WIPF1: variants seen among roughly 807,000 people sequenced by gnomAD.
The protein encoded by WIPF1 is WAS/WASL-interacting protein family member 1.
A neutral mutation model predicts 35.4 loss-of-function variants in WIPF1; 13 were observed. The observed-to-expected ratio is 0.37, with a 90% confidence interval of 0.24 to 0.58. The LOEUF (loss-of-function observed/expected upper bound fraction) is 0.58. Ranked by LOEUF, WIPF1 falls within the 20% of genes least tolerant of loss-of-function variation. The pLI is 0.74. For missense variants in WIPF1, 591 were observed against 667.0 expected, an observed-to-expected ratio of 0.89 and a Z score of 1.25; for synonymous variants, 267 against 266.3, an observed-to-expected ratio of 1.00 and a Z score of -0.02.
chr2:174,667,830 T>C (rs1369607202), intron 1 of WIPF1, among the ~76,000 whole-genome samples: 3 of 152,214 alleles, frequency 2.0e-5, no homozygotes, highest in Non-Finnish European at 4.4e-5. Flanking sequence ...GAAGTAGCCA[T>C]TTCCCTCCTC....
intron 5 of WIPF1, among the ~76,000 whole-genome samples, chr2:174,570,833 A>G (rs188808670): frequency 1.4e-4 from 22 of 152,332 alleles, no homozygotes; most frequent in African/African-American, 5.3e-4. Context: ...ATTCAATTTT[A>G]AAAGTGGGTG....
chr2:174,574,133 C>T (rs955660531), intron 4 of WIPF1, among the ~76,000 whole-genome samples: 7 of 152,134 alleles, frequency 4.6e-5, no homozygotes, highest in African/African-American at 1.7e-4. Flanking sequence ...CTTCAGCCAT[C>T]TGCCTGCCTT....
intron 1 of WIPF1, chr2:174,676,734 T>C (rs998891773): frequency 7.9e-5 from 12 of 152,328 alleles, no homozygotes; most frequent in African/African-American, 2.9e-4. Context: ...CCAGGAAATA[T>C]CACTTCTTAG....
At chr2:174,573,244 G>T (rs1054035163) in intron 4 of WIPF1, among the ~76,000 whole-genome samples, 1 of 128,876 alleles carries the variant, frequency 7.8e-6, no homozygotes, top group African/African-American at 2.9e-5. Flanking sequence ...CACCATCCCA[G>T]AATCTCTTGG....
At chr2:174,681,847 G>C (rs1483300071) in intron 1 of WIPF1, among the ~76,000 whole-genome samples, 1 of 152,282 alleles carries the variant, frequency 6.6e-6, no homozygotes, top group East Asian at 1.9e-4. Context: ...ACTCCATCGG[G>C]ATTTAAGCAG....
intron 1 of WIPF1, among the ~76,000 whole-genome samples, chr2:174,617,125 T>A (rs1325435980): frequency 1.3e-5 from 2 of 152,210 alleles, no homozygotes; most frequent in African/African-American, 2.4e-5. Flanking sequence ...ATGTTTTAAG[T>A]GATGCTTTCT....
At chr2:174,614,137 A>G (rs1316406181) in intron 1 of WIPF1, among the ~76,000 whole-genome samples, 5 of 152,236 alleles carry the variant, frequency 3.3e-5, no homozygotes, top group African/African-American at 9.6e-5. Flanking sequence ...GTTGCTCCTA[A>G]AAGTTAAGAA....
rs552813434 is a variant in WIPF1 at position 174,678,261 on chromosome 2, A to G, written c.-39+4513T>C. 3.9e-5 allele frequency among the ~76,000 whole-genome samples: 6 copies of G among 152,336 alleles called. No homozygotes were observed. The East Asian group carries it at 9.6e-4, about 24-fold the overall frequency. On this transcript the variant is annotated intron_variant, in intron 1 of 8. Coordinates refer to the WIPF1 transcript ENST00000272746. Reference sequence around the variant, plus strand: ...AAAGATGGCTTATTAGAAGAAGAAAAATATATATACCCATAGTAAGCAATG... The same window carrying G: ...AAAGATGGCTTATTAGAAGAAGAAAGATATATATACCCATAGTAAGCAATG...
intron 1 of WIPF1, chr2:174,673,470 G>C (rs1212046967): frequency 6.6e-6 from 1 of 152,224 alleles, no homozygotes; most frequent in East Asian, 1.9e-4. Flanking sequence ...GGACCTCTGG[G>C]TTCTGCATAA....
chr2:174,575,236 G>A lies in WIPF1; in HGVS notation c.326C>T (p.Pro109Leu), dbSNP rs769975973. The A allele has an allele frequency of 1.9e-5, 31 of 1,612,790 alleles. No homozygotes were observed. In the African/African-American group the frequency reaches 2.8e-4, roughly 15 times the overall value. ...CCTGTTGGCCGTGGATCTCAGCTTC[G>A]GCATTCCAGCCTGGAACAATCCTCC... is the stretch of plus-strand genomic sequence containing the variant. ...GLGGLFQAGM[P>L]KLRSTANRDN... Residue 109 changes from proline (P) to leucine (L), a missense_variant, in exon 4 of 8, where the codon CCG becomes CTG. By Grantham distance (98) the Pro-to-Leu change is moderately conservative. Around this residue, in one of 3 missense-constraint regions of WIPF1, gnomAD observed 471 missense variants for 501.1 expected, o/e 0.94. Coordinates refer to ENST00000679041, the MANE Select transcript of WIPF1 (RefSeq NM_001375834.1).
intron 1 of WIPF1, among the ~76,000 whole-genome samples, chr2:174,655,246 C>A (rs1687617346): frequency 6.6e-6 from 1 of 152,146 alleles, no homozygotes. Context: ...TACCATTGGC[C>A]ATCCACCTCC....
At chr2:174,666,764 C>T (rs1446217703) in intron 1 of WIPF1, among the ~76,000 whole-genome samples, 1 of 152,260 alleles carries the variant, frequency 6.6e-6, no homozygotes, top group Non-Finnish European at 1.5e-5. Flanking sequence ...GATGCTGACA[C>T]AGAATGCTCG....
At chr2:174,613,419 C>CT (rs1428317789) in intron 1 of WIPF1, among the ~76,000 whole-genome samples, 3 of 152,188 alleles carry the variant, frequency 2.0e-5, no homozygotes, top group Non-Finnish European at 4.4e-5. Flanking sequence ...CTCTAGCAGT[C>CT]TACTTGGTGG....
chr2:174,666,417 G>T (rs1486567699), intron 1 of WIPF1, among the ~76,000 whole-genome samples: 1 of 152,126 alleles, frequency 6.6e-6, no homozygotes, highest in Non-Finnish European at 1.5e-5. Flanking sequence ...TCTGTCTTGG[G>T]TCCTTTTGAT....
At chr2:174,573,368 G>A (rs1194710206) in intron 4 of WIPF1, among the ~76,000 whole-genome samples, 1 of 152,100 alleles carries the variant, frequency 6.6e-6, no homozygotes, top group Admixed American at 6.5e-5. Flanking sequence ...AGAGACTAGA[G>A]ACAGAGGAGT....
intron 1 of WIPF1, among the ~76,000 whole-genome samples, chr2:174,669,919 T>G (rs966919632): frequency 6.6e-6 from 1 of 152,088 alleles, no homozygotes; most frequent in African/African-American, 2.4e-5. Flanking sequence ...AGAAATGAAC[T>G]GTTATGCTGG....
In WIPF1 at chr2:174,597,737, C is replaced by T. The variant is rs1685868505; in HGVS notation, c.-175G>A. 1 of 152,540 alleles carries T rather than the reference C, an allele frequency of 6.6e-6. No individual in the cohort carries two copies. The highest frequency in any genetic ancestry group is 6.6e-5 in the Admixed American group (1 of 15,262). 9.4% of individuals were successfully genotyped at this position (152,540 alleles called of 1,614,324 possible). ...CAAGTGTGGGGTCGTTTTTGGACAG[C>T]CATTTTGGACAAGCTCTGGCCTCTT... On this transcript the variant is annotated 5_prime_UTR_variant, in exon 1 of 8. Transcript: ENST00000679041.
At position 174,581,247 on chromosome 2, in the gene WIPF1, G is replaced by T. The variant is rs536546396; in HGVS notation, c.181+63C>A. 52 of 1,594,652 alleles carry T rather than the reference G, an allele frequency of 3.3e-5. No homozygotes were observed. In the East Asian group the frequency reaches 1.1e-3, roughly 34 times the overall value. On this transcript the variant is annotated intron_variant, in intron 3 of 7. Transcript: ENST00000679041. ...ATAAAATAAAAATTGAGTGGTGAGG[G>T]TAGGGTTGATTATTAGGCCATAAAC...
intron 4 of WIPF1, chr2:174,574,581 T>G (rs377605407): frequency 1.2e-4 from 38 of 323,400 alleles, no homozygotes; most frequent in South Asian, 7.3e-4. Flanking sequence ...GAGAGCCTCA[T>G]GCCCTCTGCA....
Sources: allele counts gnomAD v4.1 joint callset (sites outside exome capture counted in the v4.1 genomes callset), GRCh38; gene constraint gnomAD v4.1.1; regional missense constraint gnomAD v4.1.1; transcripts MANE v1.5; gene names NCBI Gene and HGNC (gene_info 2026-07-23, HGNC 2026-07-21).